Variants in POLR1H observed in about 807,000 individuals in gnomAD.
POLR1H encodes RNA polymerase I subunit H.
A neutral mutation model predicts 15.8 loss-of-function variants in POLR1H; 5 were observed. The observed-to-expected ratio is 0.32, with a 90% confidence interval of 0.17 to 0.67. The LOEUF is 0.67. Ranked by LOEUF, POLR1H falls within the 30% of genes least tolerant of loss-of-function variation. POLR1H has a pLI of 0.74. For synonymous variants in POLR1H, 43 were observed against 58.3 expected (o/e 0.74, Z 1.20); for missense variants, 100 against 163.4 (o/e 0.61, Z 2.11).
rs781313074 is a variant in POLR1H, at chr6:30,061,498, T to G, written c.-27T>G. ...CTCTTCTCTCTTTTGTTAATAAACT[T>G]CCAACTCCCTCCTCAGACCCGACCG... is the stretch of plus-strand genomic sequence containing the variant. On this transcript the variant is annotated 5_prime_UTR_variant, in exon 1 of 4. Coordinates refer to ENST00000332435, the MANE Select transcript of POLR1H (RefSeq NM_170783.4). This position sits in a 1 kb window ranked among gnomAD's most constrained non-coding sequence, Gnocchi z 5.0. 5 of 1,611,210 alleles carry G rather than the reference T, an allele frequency of 3.1e-6. No individual in the cohort carries two copies. Among genetic ancestry groups the G allele is most frequent in the Non-Finnish European group, 4.2e-6 (5 of 1,178,860 alleles).
chr6:30,061,321 G>T lies in POLR1H; in HGVS notation c.-204G>T. On this transcript the variant is annotated 5_prime_UTR_variant, in exon 1 of 4. In the 5' UTR this introduces an upstream ATG that the reference lacks. Coordinates refer to ENST00000332435, the MANE Select transcript of POLR1H (RefSeq NM_170783.4). The surrounding 1 kb of genome is among the most constrained non-coding windows in gnomAD (Gnocchi z 5.0). ...AACTCCTCTCACCGGCCCCTGGAAA[G>T]GGTTCCAAGTCCTTTAGTACCCGAC... 1.9e-6 allele frequency: 1 copy of T among 527,192 alleles called. No individual in the cohort carries two copies. The highest frequency in any genetic ancestry group is 3.3e-6 in the Non-Finnish European group (1 of 305,342). The allele number at this position is 527,192 out of a possible 1,614,324, so 32.7% of individuals were successfully genotyped here.
chr6:30,064,601 T>C, intron 3 of POLR1H, 72 bp from the exon 4 acceptor site: 1 of 1,392,068 alleles, frequency 7.2e-7, no homozygotes, highest in Non-Finnish European at 9.9e-7. Flanking sequence ...GATTATTTGA[T>C]TGCATATCTT....
chr6:30,061,810 G>A lies in POLR1H; in HGVS notation c.146-107G>A. 1.3e-6 allele frequency: 2 copies of A among 1,551,276 alleles called. No individual in the cohort carries two copies. The highest frequency in any genetic ancestry group is 1.8e-6 in the Non-Finnish European group (2 of 1,135,122). ...ATTTGGTCTAGCGATGAAAACTGAGGGAAAGGATGTAGGGCCTCCTGGCCT... is the reference window on the plus strand; with the variant it reads ...ATTTGGTCTAGCGATGAAAACTGAGAGAAAGGATGTAGGGCCTCCTGGCCT... On this transcript the variant is annotated intron_variant, in intron 1 of 3. Transcript: ENST00000332435. The surrounding 1 kb of genome is among the most constrained non-coding windows in gnomAD (Gnocchi z 5.0).
chr6:30,062,024 T>C lies in POLR1H; in HGVS notation c.246+7T>C, dbSNP rs1765121400. The C allele has an allele frequency of 6.2e-7, 1 of 1,611,794 alleles. No individual in the cohort carries two copies. On this transcript the variant is annotated splice_region_variant and intron_variant, in intron 2 of 3. Transcript: ENST00000332435. ...TGAGTGCCAGGGACCTGTGGTAAGCTAATGAGATCAAGAACTGGCTCCATA... is the reference window on the plus strand; with the variant it reads ...TGAGTGCCAGGGACCTGTGGTAAGCCAATGAGATCAAGAACTGGCTCCATA...
intron 2 of POLR1H, 73 bp from the exon 3 acceptor site, chr6:30,062,151 G>C: frequency 1.4e-6 from 2 of 1,461,204 alleles, no homozygotes; most frequent in Non-Finnish European, 1.9e-6. Flanking sequence ...CGTTTGAGAG[G>C]CGTGATCGCC....
At position 30,061,842 on chromosome 6, in the gene POLR1H, C is replaced by A; in HGVS notation, c.146-75C>A. On this transcript the variant is annotated intron_variant, in intron 1 of 3. Coordinates refer to ENST00000332435, the MANE Select transcript of POLR1H (RefSeq NM_170783.4). The surrounding 1 kb of genome is among the most constrained non-coding windows in gnomAD (Gnocchi z 5.0). The stretch of plus-strand genomic sequence containing the variant: ...ATGTAGGGCCTCCTGGCCTAACCAG[C>A]CAGGGGAAAGGGGAGGTTTCCGGTG... The A allele has an allele frequency of 6.4e-7, 1 of 1,572,524 alleles. No individual in the cohort carries two copies.
Position 30,061,494 on chromosome 6 carries a change from A to T in POLR1H, c.-31A>T. Reference sequence around the variant, plus strand: ...GGAACTCTTCTCTCTTTTGTTAATAAACTTCCAACTCCCTCCTCAGACCCG... The same window carrying T: ...GGAACTCTTCTCTCTTTTGTTAATATACTTCCAACTCCCTCCTCAGACCCG... On this transcript the variant is annotated 5_prime_UTR_variant, in exon 1 of 4. Coordinates refer to ENST00000332435, the MANE Select transcript of POLR1H (RefSeq NM_170783.4). The surrounding 1 kb of genome is among the most constrained non-coding windows in gnomAD (Gnocchi z 5.0). The T allele has an allele frequency of 1.5e-5, 24 of 1,609,832 alleles. No individual in the cohort carries two copies. Among genetic ancestry groups the T allele is most frequent in the Non-Finnish European group, 2.0e-5 (24 of 1,177,766 alleles).
At position 30,061,890 on chromosome 6, in the gene POLR1H, A is replaced by G. The variant is rs745401718; in HGVS notation, c.146-27A>G. The G allele has an allele frequency of 7.4e-5, 119 of 1,610,786 alleles. No homozygotes were observed. Among genetic ancestry groups the G allele is most frequent in the Non-Finnish European group, 8.9e-5 (105 of 1,178,068 alleles). ...GTGTCAGCTCTCTCTGGTTGTCTCC[A>G]TAACCAGTTCTTACTTGCCTGTGCA... On this transcript the variant is annotated intron_variant, in intron 1 of 3. Coordinates refer to ENST00000332435, the MANE Select transcript of POLR1H (RefSeq NM_170783.4). The surrounding 1 kb of genome is among the most constrained non-coding windows in gnomAD (Gnocchi z 5.0).
At chr6:30,064,651 C>T in intron 3 of POLR1H, 22 bp from the exon 4 acceptor site, 1 of 1,604,118 alleles carries the variant, frequency 6.2e-7, no homozygotes, top group Non-Finnish European at 8.5e-7. Flanking sequence ...GTGAATATAA[C>T]AAGTCCTTTC....
At chr6:30,061,253 C>T (rs1765023743), upstream of POLR1H, 1 of 386,464 alleles carries the variant, frequency 2.6e-6, no homozygotes, top group Non-Finnish European at 4.6e-6. This position sits in a 1 kb window ranked among gnomAD's most constrained non-coding sequence, Gnocchi z 5.0. Context: ...CTCGCTGCCC[C>T]GCCGCGGGCG....
chr6:30,060,207 C>T (rs1292666757), upstream of POLR1H: 2 of 152,214 alleles, frequency 1.3e-5, no homozygotes, highest in South Asian at 2.1e-4. Context: ...CAGCTTGTGT[C>T]CTTCATAGGA....
upstream of POLR1H, chr6:30,060,573 A>AG (rs1764940048): frequency 6.6e-6 from 1 of 152,214 alleles, no homozygotes; most frequent in Non-Finnish European, 1.5e-5. Context: ...CTTATCTGGC[A>AG]GGAGTCGAAG....
In POLR1H at chr6:30,061,522, C is replaced by G; in HGVS notation, c.-3C>G. On this transcript the variant is annotated 5_prime_UTR_variant, in exon 1 of 4. Coordinates refer to ENST00000332435, the MANE Select transcript of POLR1H (RefSeq NM_170783.4). This position sits in a 1 kb window ranked among gnomAD's most constrained non-coding sequence, Gnocchi z 5.0. ...TTCCAACTCCCTCCTCAGACCCGAC[C>G]GCATGTCTGTCATGGACCTCGCCAA... The G allele has an allele frequency of 2.5e-6, 4 of 1,612,988 alleles. No individual in the cohort carries two copies. Among genetic ancestry groups the G allele is most frequent in the Non-Finnish European group, 3.4e-6 (4 of 1,179,972 alleles).
In POLR1H at chr6:30,064,669, A is replaced by G. The variant is rs368173908; in HGVS notation, c.357-4A>G. On this transcript the variant is annotated splice_region_variant and splice_polypyrimidine_tract_variant and intron_variant, in intron 3 of 3. Transcript: ENST00000332435. ...AATATAACAAGTCCTTTCTTTCCTC[A>G]TAGGTTCCAGGAGAAGGAAGACTCT... 2.3e-4 allele frequency: 375 copies of G among 1,607,424 alleles called. 1 individual carries two copies. Among genetic ancestry groups the G allele is most frequent in the Non-Finnish European group, 3.1e-4 (365 of 1,178,002 alleles).
intron 3 of POLR1H, 146 bp downstream of exon 3, chr6:30,062,479 T>G (rs1476334983): frequency 1.8e-6 from 1 of 560,310 alleles, no homozygotes; most frequent in Non-Finnish European, 3.2e-6. Context: ...TTGTAGTTGT[T>G]TTTTATTTTT....
In POLR1H at chr6:30,062,329, T is replaced by C; in HGVS notation, c.352T>C (p.Cys118Arg). 1 of 1,604,012 alleles carries C rather than the reference T, an allele frequency of 6.2e-7. No individual in the cohort carries two copies. Among genetic ancestry groups the C allele is most frequent in the Non-Finnish European group, 8.5e-7 (1 of 1,171,782 alleles). ...GQTVFYTCTN[C>R]KFQEKEDS ...AACTGTCTTCTACACCTGTACCAAC[T>C]GCAAGTGAGTATTCTTTCCCCTCCC... is the stretch of plus-strand genomic sequence containing the variant. Residue 118 changes from cysteine (C) to arginine (R), a missense_variant, in exon 3 of 4, where the codon TGC becomes CGC. Cys to Arg is a radical substitution (Grantham distance 180). Transcript: ENST00000332435.
rs1460034264 is a variant in POLR1H at position 30,063,289 on chromosome 6, C to T, written c.356+956C>T. On this transcript the variant is annotated intron_variant, in intron 3 of 3. Coordinates refer to ENST00000332435, the MANE Select transcript of POLR1H (RefSeq NM_170783.4). The surrounding 1 kb of genome is among the most constrained non-coding windows in gnomAD (Gnocchi z 4.1). ...TTTCTCTCTTCTGTCCTCCATTTCT[C>T]TCACCTTCTTTTCATATTTTCAATT... 6.6e-6 allele frequency among the ~76,000 whole-genome samples: 1 copy of T among 152,044 alleles called. No homozygotes were observed. Among genetic ancestry groups the T allele is most frequent in the African/African-American group, 2.4e-5 (1 of 41,428 alleles).
At chr6:30,064,135 T>C (rs1765323273) in intron 3 of POLR1H, among the ~76,000 whole-genome samples, 1 of 152,188 alleles carries the variant, frequency 6.6e-6, no homozygotes, top group Admixed American at 6.5e-5. Flanking sequence ...GGGACATTAG[T>C]TTTAACTTCC....
rs1021766360 is a variant in POLR1H, at chr6:30,063,349, T to C, written c.356+1016T>C. Among the ~76,000 whole-genome samples, 8 of 152,086 alleles carry C rather than the reference T, an allele frequency of 5.3e-5. No homozygotes were observed. Among genetic ancestry groups the C allele is most frequent in the Non-Finnish European group, 1.0e-4 (7 of 68,004 alleles). On this transcript the variant is annotated intron_variant, in intron 3 of 3. Coordinates refer to ENST00000332435, the MANE Select transcript of POLR1H (RefSeq NM_170783.4). This position sits in a 1 kb window ranked among gnomAD's most constrained non-coding sequence, Gnocchi z 4.1. ...TTTATGCCACCTTCTGAGTAATTTC[T>C]TCAGGTCCCTCTTCCATGTCACTAA... is the stretch of plus-strand genomic sequence containing the variant.
Sources: gnomAD v4.1 joint callset for allele counts (sites outside exome capture counted in the v4.1 genomes callset) on GRCh38, gnomAD v4.1.1 for gene constraint, Gnocchi (gnomAD v3.1) non-coding constraint, MANE v1.5 for transcripts, NCBI Gene and HGNC (gene_info 2026-07-23, HGNC 2026-07-21) for gene names.